The following TAFA2 variants were observed in gnomAD, a reference collection of about 807,000 sequenced individuals.
TAFA2 encodes the protein chemokine-like protein TAFA-2.
A neutral mutation model predicts 18.8 loss-of-function variants in TAFA2; 7 were observed. The observed-to-expected ratio is 0.37, with a 90% CI of 0.21 to 0.70. The LOEUF (loss-of-function observed/expected upper bound fraction) is 0.70, where lower values mean the gene tolerates loss of function less well. TAFA2 is among the 30% of genes least tolerant of loss of function. The pLI is 0.53. For missense variants in TAFA2, 122 were observed against 158.1 expected (o/e 0.77, Z 1.23); for synonymous variants, 60 against 54.2 (o/e 1.11, Z -0.47).
Position 61,708,688 on chromosome 12 carries a change from C to T in TAFA2, c.*1718G>A, listed in dbSNP as rs1370356498. On this transcript the variant is annotated 3_prime_UTR_variant, in exon 5 of 5. Transcript: ENST00000416284. The stretch of plus-strand genomic sequence containing the variant: ...AATGGAGGCAGAAAGCCATTTCATT[C>T]CATGAACTTATGAGACAGTGGATTT... 1.3e-5 allele frequency: 2 copies of T among 152,048 alleles called. No individual in the cohort carries two copies. The highest frequency in any genetic ancestry group is 2.9e-5 in the Non-Finnish European group (2 of 67,984). The allele number at this position is 152,048 out of a possible 1,614,324, so 9.4% of individuals were successfully genotyped here. A position where few individuals can be genotyped will look rare whatever the true frequency, so the allele number is the denominator to read the frequency against.
intron 1 of TAFA2, among the ~76,000 whole-genome samples, chr12:61,942,822 T>G (rs2121425892): frequency 2.1e-4 from 1 of 4,828 alleles, no homozygotes; most frequent in East Asian, 2.5e-3. Context: ...CAAATCTACG[T>G]CTGATTGGTG....
intron 1 of TAFA2, among the ~76,000 whole-genome samples, chr12:61,964,063 C>G (rs1878986282): frequency 6.6e-6 from 1 of 151,964 alleles, no homozygotes; most frequent in African/African-American, 2.4e-5. Context: ...ACACCTTATA[C>G]AAAAATTAAC....
intron 1 of TAFA2, among the ~76,000 whole-genome samples, chr12:62,005,969 T>C (rs1367527109): frequency 6.6e-6 from 1 of 152,202 alleles, no homozygotes; most frequent in Non-Finnish European, 1.5e-5. Context: ...TTCATCATTT[T>C]CCTATCAAGC....
At chr12:62,111,904 T>C (rs566448444) in intron 1 of TAFA2, among the ~76,000 whole-genome samples, 7 of 152,208 alleles carry the variant, frequency 4.6e-5, no homozygotes, top group African/African-American at 1.7e-4. Flanking sequence ...ATAGGTCTCT[T>C]GAATACAGAA....
At chr12:62,014,403 C>T (rs1466871160) in intron 1 of TAFA2, among the ~76,000 whole-genome samples, 3 of 152,032 alleles carry the variant, frequency 2.0e-5, no homozygotes, top group East Asian at 3.9e-4. Flanking sequence ...CCAAGGCGGG[C>T]GAATCGCTTG....
At chr12:61,862,105 AG>A (rs1874154840) in intron 2 of TAFA2, among the ~76,000 whole-genome samples, 1 of 152,238 alleles carries the variant, frequency 6.6e-6, no homozygotes, top group Admixed American at 6.5e-5. Context: ...AGGAAAGAAA[AG>A]ACAAGAAAAC....
At chr12:62,052,527 A>T (rs1882084297) in intron 1 of TAFA2, among the ~76,000 whole-genome samples, 1 of 152,152 alleles carries the variant, frequency 6.6e-6, no homozygotes, top group South Asian at 2.1e-4. Flanking sequence ...CTAAGCAATT[A>T]GTAATTAGAC....
chr12:62,222,694 T>C (rs972717912), intron 1 of TAFA2, among the ~76,000 whole-genome samples: 1 of 151,276 alleles, frequency 6.6e-6, no homozygotes, highest in African/African-American at 2.4e-5. Flanking sequence ...TTTTTTATTT[T>C]TAGTAGAGAT....
intron 1 of TAFA2, among the ~76,000 whole-genome samples, chr12:62,227,995 G>A (rs2062795095): frequency 6.6e-6 from 1 of 151,964 alleles, no homozygotes; most frequent in Non-Finnish European, 1.5e-5. Context: ...GTGCCATGTT[G>A]TTTTGGTTAC....
intron 3 of TAFA2, 22 bp downstream of exon 3, chr12:61,754,850 T>C: frequency 6.2e-7 from 1 of 1,610,970 alleles, no homozygotes; most frequent in Non-Finnish European, 8.5e-7. Context: ...GCTGTTACAA[T>C]AAGGAATGGA....
intron 2 of TAFA2, among the ~76,000 whole-genome samples, chr12:61,857,967 A>C (rs1457881956): frequency 6.6e-6 from 1 of 152,234 alleles, no homozygotes; most frequent in Admixed American, 6.5e-5. Context: ...AAGGTAGGGT[A>C]CTATGGATGC....
chr12:62,184,459 C>T (rs2062571485), intron 1 of TAFA2, among the ~76,000 whole-genome samples: 1 of 149,656 alleles, frequency 6.7e-6, no homozygotes, highest in Non-Finnish European at 1.5e-5. Context: ...CACTTCCATG[C>T]CATGATACTT....
At chr12:61,856,744 A>T (rs1245039576) in intron 2 of TAFA2, among the ~76,000 whole-genome samples, 1 of 151,932 alleles carries the variant, frequency 6.6e-6, no homozygotes, top group African/African-American at 2.4e-5. Flanking sequence ...AATTTGAGTC[A>T]TTTGACCTAG....
chr12:61,863,263 T>C (rs956626693), intron 2 of TAFA2, among the ~76,000 whole-genome samples: 4 of 152,082 alleles, frequency 2.6e-5, no homozygotes, highest in African/African-American at 9.7e-5. Context: ...AATGTAAAGG[T>C]CCCTGATGAC....
intron 1 of TAFA2, among the ~76,000 whole-genome samples, chr12:62,083,407 A>G (rs1868353017): frequency 6.6e-6 from 1 of 152,032 alleles, no homozygotes; most frequent in Non-Finnish European, 1.5e-5. Flanking sequence ...TACTTATTGG[A>G]CACCCCCTAG....
At position 62,081,478 on chromosome 12, in the gene TAFA2, TTTTGTTTG is replaced by T. The variant is rs200158676; in HGVS notation, c.-2+109773_-2+109780del. Reference sequence around the variant, plus strand: ...TTCAACTTGTTTTTTTTGTTTTTTATTTTGTTTGTTTGTTTGTTTGTTTTGATATGGAG... The same window carrying T: ...TTCAACTTGTTTTTTTTGTTTTTTATTTTGTTTGTTTGTTTTGATATGGAG... On this transcript the variant is annotated intron_variant, in intron 1 of 4. Transcript: ENST00000416284. Among the ~76,000 whole-genome samples the T allele has an allele frequency of 8.0e-5, 12 of 150,778 alleles. No homozygotes were observed. The East Asian group carries it at 1.8e-3, about 23-fold the overall frequency.
chr12:61,897,907 C>T (rs933334177), intron 1 of TAFA2, among the ~76,000 whole-genome samples: 7 of 152,300 alleles, frequency 4.6e-5, no homozygotes, highest in South Asian at 4.1e-4. Context: ...GTCCCTTCCT[C>T]GTAGAAGCCT....
chr12:62,194,793 C>A (rs1352666701), upstream of TAFA2, among the ~76,000 whole-genome samples: 1 of 152,142 alleles, frequency 6.6e-6, no homozygotes, highest in Non-Finnish European at 1.5e-5. Context: ...AGGTTTGGTT[C>A]CAAACCACCA....
In TAFA2 at chr12:62,206,533, C is replaced by CT. The variant is rs912055975; in HGVS notation, c.-130+52229dup. 1.6e-3 allele frequency among the ~76,000 whole-genome samples: 242 copies of CT among 147,264 alleles called. 1 individual carries two copies. The highest frequency in any genetic ancestry group is 3.5e-3 in the Middle Eastern group (1 of 286). ...TTGTTATGCTAGAAATCACTAGCAA[C>CT]TTTTTTTTTTTTGAGACAGGTTCTC... On this transcript the variant is annotated intron_variant, in intron 1 of 5. Transcript: ENST00000551619.
Sources: gnomAD v4.1 joint callset for allele counts (sites outside exome capture counted in the v4.1 genomes callset) on GRCh38, gnomAD v4.1.1 for gene constraint, MANE v1.5 for transcripts, NCBI Gene and HGNC (gene_info 2026-07-23, HGNC 2026-07-21) for gene names.